The following IL1RAPL2 variants were observed in gnomAD, a reference collection of about 807,000 sequenced individuals.
IL1RAPL2 encodes the protein X-linked interleukin-1 receptor accessory protein-like 2.
IL1RAPL2 carries 3 observed loss-of-function variants against 44.1 expected under a neutral mutation model. The observed-to-expected ratio is 0.07, with a 90% CI of 0.03 to 0.18. IL1RAPL2 has a LOEUF of 0.18. Ranked by LOEUF, IL1RAPL2 falls within the 10% of genes least tolerant of loss-of-function variation. The probability of loss-of-function intolerance (pLI) is 1.00; values close to 1 mark genes in which losing one functional copy is unlikely to be tolerated. For missense variants in IL1RAPL2, 391 were observed against 496.4 expected (o/e 0.79, Z 2.02); for synonymous variants, 181 against 178.8 (o/e 1.01, Z -0.10).
rs189556400 is a variant in IL1RAPL2 at position 105,112,497 on chromosome X, T to C, written c.83-82978T>C. On this transcript the variant is annotated intron_variant, in intron 2 of 10. Transcript: ENST00000372582. Reference sequence around the variant, plus strand: ...AAAAAGATAATCAAAACTGTGGTACTGGACTTATGCTATGCACGAATGACA... The same window carrying C: ...AAAAAGATAATCAAAACTGTGGTACCGGACTTATGCTATGCACGAATGACA... Among the ~76,000 whole-genome samples, 575 of 112,657 alleles carry C rather than the reference T, an allele frequency of 5.1e-3. 7 individuals are homozygous for C. The highest frequency in any genetic ancestry group is 0.018 in the African/African-American group (548 of 31,074).
chrX:105,450,005 G>A lies in IL1RAPL2; in HGVS notation c.698-34308G>A, dbSNP rs138965770. 7.6e-3 allele frequency among the ~76,000 whole-genome samples: 849 copies of A among 111,803 alleles called. 8 individuals are homozygous for A. The highest frequency in any genetic ancestry group is 0.026 in the African/African-American group (811 of 30,762). ...GTGAGTTCCCCAAGGACCTAGGCAT[G>A]TCCAGAGATGCTATTTGGGAGCCAG... On this transcript the variant is annotated intron_variant, in intron 5 of 10. Transcript: ENST00000372582.
intron 2 of IL1RAPL2, among the ~76,000 whole-genome samples, chrX:104,671,209 C>T (rs5916815): frequency 0.33 from 36,428 of 109,813 alleles, 5,313 homozygotes; most frequent in Non-Finnish European, 0.45. Flanking sequence ...CACACACAAA[C>T]ACACAATTCA....
chrX:104,942,265 C>T (rs1971533756), intron 2 of IL1RAPL2, among the ~76,000 whole-genome samples: 1 of 112,020 alleles, frequency 8.9e-6, no homozygotes, highest in Admixed American at 9.5e-5. Context: ...ATGGGGATGG[C>T]ATTGAATCTG....
At chrX:105,400,407 C>T (rs767413969) in intron 5 of IL1RAPL2, among the ~76,000 whole-genome samples, 1 of 111,037 alleles carries the variant, frequency 9.0e-6, no homozygotes, top group South Asian at 3.8e-4. Flanking sequence ...TGTGCGGGCT[C>T]TTATATCATC....
At position 105,590,859 on chromosome X, in the gene IL1RAPL2, TTGTG is replaced by T. The variant is rs60004058; in HGVS notation, c.772+106496_772+106499del. ...TGTGTGTGTGTGTGTTTGTGTGTGT[TTGTG>T]TGTGTGTGTGTGTGTGTGTGTGTAT... On this transcript the variant is annotated intron_variant, in intron 6 of 10. Coordinates refer to ENST00000372582, the MANE Select transcript of IL1RAPL2 (RefSeq NM_017416.2). Among the ~76,000 whole-genome samples the T allele has an allele frequency of 6.7e-3, 597 of 88,582 alleles. 10 individuals are homozygous for T. Among genetic ancestry groups the T allele is most frequent in the African/African-American group, 0.021 (525 of 24,814 alleles). 76.9% of individuals were successfully genotyped at this position (88,582 alleles called of 115,157 possible).
chrX:105,060,353 G>A (rs1219517311), intron 2 of IL1RAPL2, among the ~76,000 whole-genome samples: 1 of 111,439 alleles, frequency 9.0e-6, no homozygotes, highest in Non-Finnish European at 1.9e-5. Flanking sequence ...AGCATCAATT[G>A]AAATGCTTGT....
chrX:105,069,186 G>A (rs2032175556), intron 2 of IL1RAPL2, among the ~76,000 whole-genome samples: 1 of 112,932 alleles, frequency 8.9e-6, no homozygotes, highest in African/African-American at 3.2e-5. Flanking sequence ...ACATCACACA[G>A]AGTGGGCAAC....
At chrX:104,592,141 G>A (rs1279157392) in intron 1 of IL1RAPL2, among the ~76,000 whole-genome samples, 5 of 82,441 alleles carry the variant, frequency 6.1e-5, no homozygotes, top group Non-Finnish European at 9.1e-5. Context: ...TTTAATGCCC[G>A]TATATGTGTG....
chrX:105,509,135 A>T (rs1410883586), intron 6 of IL1RAPL2, among the ~76,000 whole-genome samples: 1 of 112,115 alleles, frequency 8.9e-6, no homozygotes, highest in Admixed American at 9.5e-5. Context: ...TACTTGAGAG[A>T]CAATTATTAC....
intron 3 of IL1RAPL2, among the ~76,000 whole-genome samples, chrX:105,220,978 A>G (rs1442991078): frequency 8.9e-6 from 1 of 112,110 alleles, no homozygotes; most frequent in Non-Finnish European, 1.9e-5. Context: ...GGACCCCCCT[A>G]GAGGTTGAAG....
chrX:104,635,034 C>G (rs1259951057), intron 1 of IL1RAPL2, among the ~76,000 whole-genome samples: 1 of 110,977 alleles, frequency 9.0e-6, no homozygotes, highest in African/African-American at 3.3e-5. Context: ...TTAGGGCAGG[C>G]CTGGTGGTGA....
In IL1RAPL2 at chrX:105,346,190, T is replaced by C. The variant is rs1335813071; in HGVS notation, c.697+78649T>C. On this transcript the variant is annotated intron_variant, in intron 5 of 10. Transcript: ENST00000372582. ...TGTCTCTCACTTAAGCCTAATAAAC[T>C]CTGATTGTATTAGGAAATGTAGTTT... is the stretch of plus-strand genomic sequence containing the variant. Among the ~76,000 whole-genome samples the C allele has an allele frequency of 2.7e-5, 3 of 111,923 alleles. No homozygotes were observed. The East Asian group carries it at 8.5e-4, about 32-fold the overall frequency.
At chrX:105,396,597 C>T (rs770160719) in intron 5 of IL1RAPL2, among the ~76,000 whole-genome samples, 2 of 105,390 alleles carry the variant, frequency 1.9e-5, no homozygotes, top group South Asian at 4.7e-4. Context: ...TCCTTATCTA[C>T]AGGCCTGACC....
At chrX:105,288,410 G>GC in intron 5 of IL1RAPL2, among the ~76,000 whole-genome samples, 1 of 99,439 alleles carries the variant, frequency 1.0e-5, no homozygotes, top group Non-Finnish European at 2.1e-5. Flanking sequence ...ATCTACTTTT[G>GC]AAAAAAAAAA....
At chrX:104,888,832 T>A (rs1923335329) in intron 2 of IL1RAPL2, among the ~76,000 whole-genome samples, 1 of 111,949 alleles carries the variant, frequency 8.9e-6, no homozygotes, top group South Asian at 3.7e-4. Flanking sequence ...CCATTTCTGA[T>A]AGGACCAAGA....
At chrX:105,645,254 G>T (rs749910759) in intron 6 of IL1RAPL2, among the ~76,000 whole-genome samples, 17 of 111,277 alleles carry the variant, frequency 1.5e-4, no homozygotes, top group Non-Finnish European at 2.6e-4. Context: ...GTTCAAGGCT[G>T]CCATATCCCT....
chrX:104,758,671 A>T (rs1225911704), intron 2 of IL1RAPL2, among the ~76,000 whole-genome samples: 2 of 112,169 alleles, frequency 1.8e-5, no homozygotes, highest in African/African-American at 6.5e-5. Flanking sequence ...CTTTGTTAAA[A>T]GTGTGTAAAT....
In IL1RAPL2 at chrX:105,142,597, AT is replaced by A. The variant is rs372816147; in HGVS notation, c.83-52867del. Among the ~76,000 whole-genome samples the A allele has an allele frequency of 5.3e-3, 530 of 100,933 alleles. 7 individuals carry two copies. Among genetic ancestry groups the A allele is most frequent in the Middle Eastern group, 0.031 (6 of 195 alleles). The allele number at this position is 100,933 out of a possible 115,157, so 87.6% of individuals were successfully genotyped here. On this transcript the variant is annotated intron_variant, in intron 2 of 10. Coordinates refer to ENST00000372582, the MANE Select transcript of IL1RAPL2 (RefSeq NM_017416.2). ...AGTGAAGATACTTTAAATCTGTGAC[AT>A]TTTTTTTTTTAGCTTTCACATTCTT...
intron 2 of IL1RAPL2, among the ~76,000 whole-genome samples, chrX:104,938,529 G>A (rs1001184228): frequency 5.4e-5 from 6 of 111,129 alleles, no homozygotes; most frequent in Admixed American, 9.6e-5. Context: ...GTTAAATTAC[G>A]GGTGATAAAA....
Sources: allele counts gnomAD v4.1 joint callset (sites outside exome capture counted in the v4.1 genomes callset), GRCh38; gene constraint gnomAD v4.1.1; transcripts MANE v1.5; gene names NCBI Gene and HGNC (gene_info 2026-07-23, HGNC 2026-07-21).